Variants in CERS6 observed in about 807,000 individuals in gnomAD.
CERS6 encodes LAG1 homolog, ceramide synthase 6.
A neutral mutation model predicts 56.8 loss-of-function variants in CERS6; 26 were observed. The ratio of observed to expected loss-of-function variants is 0.46; its 90% CI spans 0.34 to 0.63. CERS6 has a LOEUF of 0.63. Ranked by LOEUF, CERS6 falls within the 30% of genes least tolerant of loss-of-function variation. The probability of loss-of-function intolerance (pLI) is 0.01; values close to 1 mark genes in which losing one functional copy is unlikely to be tolerated. For missense variants in CERS6, 415 were observed against 467.5 expected (o/e 0.89, Z 1.04); for synonymous variants, 164 against 173.3 (o/e 0.95, Z 0.42).
intron 1 of CERS6, among the ~76,000 whole-genome samples, chr2:168,514,971 C>T (rs16855429): frequency 0.051 from 7,706 of 152,206 alleles, 554 homozygotes; most frequent in African/African-American, 0.16. Flanking sequence ...TGAGCAACTT[C>T]CACCATGATG....
intron 8 of CERS6, among the ~76,000 whole-genome samples, chr2:168,742,848 T>TG (rs1016982559): frequency 3.3e-5 from 5 of 152,196 alleles, no homozygotes; most frequent in South Asian, 2.1e-4. Context: ...CTAATTGCAG[T>TG]GGGGGGTCAT....
chr2:168,689,854 A>T (rs1686454107), intron 4 of CERS6, among the ~76,000 whole-genome samples: 1 of 152,276 alleles, frequency 6.6e-6, no homozygotes, highest in Admixed American at 6.5e-5. Context: ...CTGGCTCCCT[A>T]CCTTGAGATT....
At chr2:168,698,255 GAAAAA>G (rs869056813) in intron 6 of CERS6, among the ~76,000 whole-genome samples, 20 of 17,954 alleles carry the variant, frequency 1.1e-3, no homozygotes, top group Non-Finnish European at 5.0e-3. Flanking sequence ...AAAAAAAAAA[GAAAAA>G]AAAAAAAAAA....
At chr2:168,505,382 C>CAAAAA (rs370477008) in intron 1 of CERS6, among the ~76,000 whole-genome samples, 8 of 96,354 alleles carry the variant, frequency 8.3e-5, no homozygotes, top group African/African-American at 2.0e-4. Flanking sequence ...ACCCTGTTTC[C>CAAAAA]AAAAAAAAAA....
At chr2:168,655,656 A>G (rs2893099) in intron 4 of CERS6, among the ~76,000 whole-genome samples, 2,605 of 152,324 alleles carry the variant, frequency 0.017, 105 homozygotes, top group East Asian at 0.16. Flanking sequence ...CTTATGTGAA[A>G]TTTTAAAATA....
At chr2:168,680,405 A>C (rs1277699527) in intron 4 of CERS6, among the ~76,000 whole-genome samples, 1 of 152,206 alleles carries the variant, frequency 6.6e-6, no homozygotes, top group East Asian at 1.9e-4. Context: ...AAAAATGATG[A>C]TGTTGGAGAA....
In CERS6 at chr2:168,717,074, A is replaced by C. The variant is rs1173629716; in HGVS notation, c.739-798A>C. Among the ~76,000 whole-genome samples the C allele has an allele frequency of 3.3e-5, 5 of 152,190 alleles. No individual in the cohort carries two copies. In the East Asian group the frequency reaches 9.6e-4, roughly 29 times the overall value. ...GTTTTCAGTCTCACCTGTTTTTAGA[A>C]TCATCTGTAAAAAAAGTAGATGGTA... On this transcript the variant is annotated intron_variant, in intron 7 of 9. Transcript: ENST00000305747.
chr2:168,583,500 G>T (rs1303451164), intron 3 of CERS6, among the ~76,000 whole-genome samples: 2 of 152,186 alleles, frequency 1.3e-5, no homozygotes, highest in African/African-American at 2.4e-5. Flanking sequence ...TCGAATTTGA[G>T]GAGTAGATTG....
rs145945430 is a variant in CERS6, at chr2:168,520,717, C to T, written c.171-26879C>T. Reference sequence around the variant, plus strand: ...CTCCGCCTCCTGGGTTCAAGCGATTCTTGTGCCTCAGCCTCCTTAGTAGCT... The same window carrying T: ...CTCCGCCTCCTGGGTTCAAGCGATTTTTGTGCCTCAGCCTCCTTAGTAGCT... On this transcript the variant is annotated intron_variant, in intron 1 of 9. Transcript: ENST00000305747. Among the ~76,000 whole-genome samples, 903 of 135,544 alleles carry T rather than the reference C, an allele frequency of 6.7e-3. 9 individuals carry two copies. The highest frequency in any genetic ancestry group is 0.023 in the African/African-American group (849 of 36,874). 88.9% of individuals were successfully genotyped at this position (135,544 alleles called of 152,430 possible).
intron 1 of CERS6, among the ~76,000 whole-genome samples, chr2:168,468,653 A>G (rs1251089213): frequency 1.3e-5 from 2 of 152,216 alleles, no homozygotes; most frequent in African/African-American, 4.8e-5. Context: ...ATTTTCAGAA[A>G]TGGGACTTCA....
At chr2:168,672,437 G>T (rs1237867741) in intron 4 of CERS6, among the ~76,000 whole-genome samples, 1 of 152,208 alleles carries the variant, frequency 6.6e-6, no homozygotes, top group Non-Finnish European at 1.5e-5. Flanking sequence ...CATCAGCGAA[G>T]TCAGAAGTTT....
chr2:168,708,352 A>G (rs568255774), intron 6 of CERS6, among the ~76,000 whole-genome samples: 9 of 152,316 alleles, frequency 5.9e-5, no homozygotes, highest in African/African-American at 1.4e-4. Flanking sequence ...CACAAGAGAG[A>G]AAGGAAAACT....
At chr2:168,723,842 G>GT (rs769316283) in intron 8 of CERS6, among the ~76,000 whole-genome samples, 1 of 152,182 alleles carries the variant, frequency 6.6e-6, no homozygotes, top group Non-Finnish European at 1.5e-5. Context: ...CCTGTTCTCT[G>GT]TAACAACATT....
intron 1 of CERS6, among the ~76,000 whole-genome samples, chr2:168,484,227 G>A (rs1338094632): frequency 8.7e-6 from 1 of 114,618 alleles, no homozygotes; most frequent in East Asian, 2.8e-4. Flanking sequence ...TGTTGCCCAG[G>A]CTAAAGGACA....
At chr2:168,658,066 G>T (rs1685536115) in intron 4 of CERS6, among the ~76,000 whole-genome samples, 1 of 152,052 alleles carries the variant, frequency 6.6e-6, no homozygotes, top group Non-Finnish European at 1.5e-5. Flanking sequence ...TTTGAGTCTT[G>T]GTTCTGTTGT....
At chr2:168,463,870 C>T (rs1693820956) in intron 1 of CERS6, among the ~76,000 whole-genome samples, 1 of 152,164 alleles carries the variant, frequency 6.6e-6, no homozygotes, top group Non-Finnish European at 1.5e-5. Flanking sequence ...GATCACGCCA[C>T]TGCACTCCAA....
intron 4 of CERS6, among the ~76,000 whole-genome samples, chr2:168,645,142 TAGAGAG>T (rs35865470): frequency 0.07 from 892 of 12,664 alleles, 67 homozygotes; most frequent in African/African-American, 0.14. Context: ...TATATATATA[TAGAGAG>T]AGAGAGAGAG....
chr2:168,645,116 A>AAT lies in CERS6; in HGVS notation c.465+14100_465+14101dup, dbSNP rs1553503151. ...AAAAAAAAAAAAAAAAAAAAAAAAAAATATATATATATATATATATATATA... is the reference window on the plus strand; with the variant it reads ...AAAAAAAAAAAAAAAAAAAAAAAAAAATATATATATATATATATATATATATA... On this transcript the variant is annotated intron_variant, in intron 4 of 9. Coordinates refer to ENST00000305747, the MANE Select transcript of CERS6 (RefSeq NM_203463.3). Among the ~76,000 whole-genome samples the AAT allele has an allele frequency of 1.6e-3, 31 of 19,028 alleles. 8 individuals carry two copies. Among genetic ancestry groups the AAT allele is most frequent in the Non-Finnish European group, 2.7e-3 (27 of 10,012 alleles). 12.5% of individuals were successfully genotyped at this position (19,028 alleles called of 152,430 possible). A position where few individuals can be genotyped will look rare whatever the true frequency, so the allele number is the denominator to read the frequency against.
At chr2:168,464,746 T>C (rs1693841008) in intron 1 of CERS6, among the ~76,000 whole-genome samples, 1 of 150,728 alleles carries the variant, frequency 6.6e-6, no homozygotes, top group Non-Finnish European at 1.5e-5. Flanking sequence ...ATCTAAATTC[T>C]GGGTGAGTGA....
Sources: allele counts gnomAD v4.1 joint callset (sites outside exome capture counted in the v4.1 genomes callset), GRCh38; gene constraint gnomAD v4.1.1; transcripts MANE v1.5; gene names NCBI Gene and HGNC (gene_info 2026-07-23, HGNC 2026-07-21).